Variants in SPECC1L observed in about 807,000 individuals in gnomAD.
SPECC1L encodes sperm antigen with calponin homology and coiled-coil domains 1 like, also known as cytospin-A.
In SPECC1L, 40 loss-of-function variants were observed where a neutral mutation model predicts 116.8. That is an observed-to-expected ratio of 0.34 (90% confidence interval 0.27 to 0.45). SPECC1L has a LOEUF of 0.45. Ranked by LOEUF, SPECC1L falls within the 20% of genes least tolerant of loss-of-function variation. The pLI is 1.00. For missense variants in SPECC1L, 1,110 were observed against 1,373.6 expected (o/e 0.81, Z 3.03); for synonymous variants, 504 against 500.6 (o/e 1.01, Z -0.09).
At chr22:24,323,566 A>G (rs2040762485) in intron 5 of SPECC1L, among the ~76,000 whole-genome samples, 1 of 152,220 alleles carries the variant, frequency 6.6e-6, no homozygotes, top group South Asian at 2.1e-4. Context: ...GTGGTTGCTG[A>G]TGAACTGTTT....
intron 14 of SPECC1L, among the ~76,000 whole-genome samples, chr22:24,396,638 C>G (rs1397490334): frequency 6.6e-6 from 1 of 152,150 alleles, no homozygotes; most frequent in African/African-American, 2.4e-5. Context: ...ATTATTATTT[C>G]CAGGCCTTTT....
At chr22:24,315,174 C>T (rs1280681897) in intron 4 of SPECC1L, among the ~76,000 whole-genome samples, 1 of 152,188 alleles carries the variant, frequency 6.6e-6, no homozygotes, top group Non-Finnish European at 1.5e-5. Flanking sequence ...CTCTCCTAGC[C>T]CAGGATTACC....
At chr22:24,328,821 A>G in intron 6 of SPECC1L, 25 bp from the exon 7 acceptor site, 4 of 1,567,810 alleles carry the variant, frequency 2.6e-6, no homozygotes, top group Non-Finnish European at 3.5e-6. Flanking sequence ...GAGAATAGAT[A>G]TTTAAACTTT....
chr22:24,331,467 G>A (rs1182153326), intron 8 of SPECC1L, among the ~76,000 whole-genome samples: 4 of 152,150 alleles, frequency 2.6e-5, no homozygotes, highest in Admixed American at 1.3e-4. Flanking sequence ...TAACATATCA[G>A]AAATGCTTCA....
At chr22:24,358,504 C>T (rs990151583) in intron 11 of SPECC1L, among the ~76,000 whole-genome samples, 47 of 152,176 alleles carry the variant, frequency 3.1e-4, no homozygotes, top group African/African-American at 1.0e-3. Context: ...ACCCTCCCTG[C>T]AACTGAAATA....
At chr22:24,316,509 G>GT (rs1339063901) in intron 4 of SPECC1L, among the ~76,000 whole-genome samples, 1 of 151,106 alleles carries the variant, frequency 6.6e-6, no homozygotes, top group African/African-American at 2.4e-5. Context: ...TCAAGCGTCT[G>GT]TTTAACAAAG....
At chr22:24,354,510 G>T (rs1039104047) in intron 11 of SPECC1L, among the ~76,000 whole-genome samples, 1 of 151,908 alleles carries the variant, frequency 6.6e-6, no homozygotes, top group African/African-American at 2.4e-5. Context: ...TCCATCAGTG[G>T]CTGTTGAGAG....
intron 14 of SPECC1L, among the ~76,000 whole-genome samples, chr22:24,406,024 G>T (rs1353861757): frequency 6.6e-6 from 1 of 152,070 alleles, no homozygotes; most frequent in African/African-American, 2.4e-5. Context: ...GTGGTGAGTT[G>T]TTTTTATCCA....
intron 14 of SPECC1L, among the ~76,000 whole-genome samples, chr22:24,376,284 G>A (rs62233973): frequency 2.0e-5 from 3 of 152,082 alleles, no homozygotes; most frequent in South Asian, 4.1e-4. Context: ...TTCCAACATC[G>A]TGAGTAGCTG....
intron 1 of SPECC1L, among the ~76,000 whole-genome samples, chr22:24,271,502 G>A (rs1474540452): frequency 2.0e-5 from 3 of 152,258 alleles, no homozygotes; most frequent in South Asian, 2.1e-4. Context: ...CGAGGCGGAC[G>A]GAACGTCCTT....
In SPECC1L at chr22:24,324,236, G is replaced by A. The variant is rs199736149; in HGVS notation, c.1955G>A (p.Arg652Gln). The change falls in exon 6 of 17, where the codon CGA becomes CAA. Residue 652 changes from arginine to glutamine, a missense_variant. By Grantham distance (43) the Arg-to-Gln change is conservative. This residue lies in a region of SPECC1L where 575 missense variants were observed against 682.4 expected (regional missense o/e 0.84). Transcript: ENST00000314328. ...DAIAKVEDEY[R>Q]AFQEEAKKQI... ...TTTACGTAGGTAGAGGATGAATACC[G>A]AGCCTTCCAAGAAGAAGCTAAGAAA... is the stretch of plus-strand genomic sequence containing the variant. 12 of 1,613,736 alleles carry A rather than the reference G, an allele frequency of 7.4e-6. No homozygotes were observed. In the East Asian group the frequency reaches 8.9e-5, roughly 12 times the overall value.
At chr22:24,386,551 G>A (rs1297975925) in intron 14 of SPECC1L, among the ~76,000 whole-genome samples, 1 of 151,490 alleles carries the variant, frequency 6.6e-6, no homozygotes, top group East Asian at 1.9e-4. Flanking sequence ...AAATATGAGA[G>A]TTAATAGCAA....
intron 13 of SPECC1L, 88 bp from the exon 14 acceptor site, chr22:24,369,130 C>G (rs974903502): frequency 1.1e-6 from 1 of 891,682 alleles, no homozygotes; most frequent in African/African-American, 1.6e-5. Context: ...TGTATATTTC[C>G]CCTGTTTAAA....
At chr22:24,380,139 GGGA>G (rs752247496) in intron 14 of SPECC1L, among the ~76,000 whole-genome samples, 3 of 152,202 alleles carry the variant, frequency 2.0e-5, no homozygotes, top group Non-Finnish European at 4.4e-5. Context: ...CCAAAGTGCT[GGGA>G]TTAAAGGCGT....
rs62233131 is a variant in SPECC1L at position 24,344,672 on chromosome 22, T to C, written c.2653-2414T>C. Among the ~76,000 whole-genome samples, 1,179 of 151,784 alleles carry C rather than the reference T, an allele frequency of 7.8e-3. 9 individuals are homozygous for C. Among genetic ancestry groups the C allele is most frequent in the South Asian group, 0.024 (117 of 4,794 alleles). On this transcript the variant is annotated intron_variant, in intron 10 of 16. Transcript: ENST00000314328. ...AAACTGTCATTATTTGCAGATAACA[T>C]GATCATTTATGTAGAAAATCCTAAG...
chr22:24,291,315 G>C (rs2049151383), intron 2 of SPECC1L, among the ~76,000 whole-genome samples: 1 of 152,148 alleles, frequency 6.6e-6, no homozygotes, highest in Admixed American at 6.5e-5. Context: ...TATAAACAAG[G>C]CTCACAGAGT....
At chr22:24,392,834 G>A (rs1569446449) in intron 14 of SPECC1L, among the ~76,000 whole-genome samples, 1 of 152,216 alleles carries the variant, frequency 6.6e-6, no homozygotes, top group Admixed American at 6.5e-5. Flanking sequence ...TCAGCTCAGT[G>A]CCACTGGAGA....
At chr22:24,342,413 G>A (rs1350137213) in intron 10 of SPECC1L, among the ~76,000 whole-genome samples, 2 of 152,158 alleles carry the variant, frequency 1.3e-5, no homozygotes, top group Non-Finnish European at 2.9e-5. Flanking sequence ...ACTCACGCCT[G>A]TAATCCCAGC....
chr22:24,389,474 A>G lies in SPECC1L; in HGVS notation c.3087+20154A>G, dbSNP rs561160575. 9.4e-5 allele frequency among the ~76,000 whole-genome samples: 14 copies of G among 148,970 alleles called. No individual in the cohort carries two copies. The South Asian group carries it at 3.0e-3, about 31-fold the overall frequency. ...ATTTGCCCTAAAATGGTAATTTGTG[A>G]CACTTTTGTCCAGGTTTATATTTGT... On this transcript the variant is annotated intron_variant, in intron 14 of 16. Coordinates refer to ENST00000314328, the MANE Select transcript of SPECC1L (RefSeq NM_015330.6).
Sources: gnomAD v4.1 joint callset for allele counts (sites outside exome capture counted in the v4.1 genomes callset) on GRCh38, gnomAD v4.1.1 for gene constraint, gnomAD v4.1.1 regional missense constraint, MANE v1.5 for transcripts, NCBI Gene and HGNC (gene_info 2026-07-23, HGNC 2026-07-21) for gene names.